TUT4: variants seen among roughly 807,000 people sequenced by gnomAD.
The protein encoded by TUT4 is terminal uridylyltransferase 4.
Under a neutral mutation model 192.2 loss-of-function variants are expected in TUT4, and 36 were observed. That is an observed-to-expected ratio of 0.19 (90% CI 0.14 to 0.25). The LOEUF (loss-of-function observed/expected upper bound fraction) is 0.25, where lower values mean the gene tolerates loss of function less well. Ranked by LOEUF, TUT4 falls within the 10% of genes least tolerant of loss-of-function variation. The pLI, the probability that TUT4 is intolerant of heterozygous loss-of-function variation, is 1.00. For synonymous variants in TUT4, 618 were observed against 666.0 expected (o/e 0.93, Z 1.11); for missense variants, 1,493 against 1,957.2 (o/e 0.76, Z 4.47).
chr1:52,487,965 G>C (rs1389926263), intron 9 of TUT4, among the ~76,000 whole-genome samples: 2 of 152,106 alleles, frequency 1.3e-5, no homozygotes, highest in African/African-American at 4.8e-5. Flanking sequence ...ATCAATGTGA[G>C]CATAAACCTG....
chr1:52,552,404 CCA>C (rs745526694), intron 1 of TUT4, among the ~76,000 whole-genome samples: 1 of 152,178 alleles, frequency 6.6e-6, no homozygotes, highest in Non-Finnish European at 1.5e-5. Flanking sequence ...GAAACAAAAT[CCA>C]CACAGACACC....
intron 8 of TUT4, among the ~76,000 whole-genome samples, chr1:52,489,395 C>T (rs1008004678): frequency 1.3e-5 from 2 of 152,124 alleles, no homozygotes; most frequent in Non-Finnish European, 2.9e-5. Flanking sequence ...TCAAATAGTG[C>T]AAGGTAATTT....
intron 16 of TUT4, chr1:52,462,966 T>A: frequency 1.0e-6 from 1 of 985,426 alleles, no homozygotes; most frequent in Middle Eastern, 5.2e-4. Context: ...GCAGGAGCCA[T>A]TGCAGCTAAA....
chr1:52,446,064 T>A, intron 22 of TUT4, 60 bp from the exon 23 acceptor site: 1 of 1,505,924 alleles, frequency 6.6e-7, no homozygotes, highest in Non-Finnish European at 9.0e-7. Context: ...AAAATATACT[T>A]AGAAGTCACC....
intron 7 of TUT4, among the ~76,000 whole-genome samples, chr1:52,492,109 C>T (rs1671308491): frequency 1.3e-5 from 2 of 152,068 alleles, no homozygotes; most frequent in Non-Finnish European, 2.9e-5. Context: ...GAGGTAAATG[C>T]TATGTCTACC....
intron 2 of TUT4, among the ~76,000 whole-genome samples, chr1:52,524,656 G>A (rs1409697152): frequency 1.3e-5 from 2 of 151,930 alleles, no homozygotes; most frequent in African/African-American, 2.4e-5. Flanking sequence ...AAATAAAAAA[G>A]TTAGCCAGGT....
intron 16 of TUT4, chr1:52,462,743 A>G (rs751483525): frequency 4.1e-6 from 4 of 984,888 alleles, no homozygotes; most frequent in Non-Finnish European, 4.8e-6. Flanking sequence ...ACCAGCACCT[A>G]TTTCTCCAAG....
intron 1 of TUT4, among the ~76,000 whole-genome samples, chr1:52,538,329 A>G (rs1314504154): frequency 6.6e-6 from 1 of 152,200 alleles, no homozygotes; most frequent in Non-Finnish European, 1.5e-5. Context: ...TGGGCATGTA[A>G]CATGAAAGAC....
intron 1 of TUT4, 81 bp downstream of exon 1, chr1:52,552,850 G>T (rs1051072080): frequency 6.6e-6 from 1 of 152,342 alleles, no homozygotes; most frequent in Admixed American, 6.5e-5. Flanking sequence ...GGCACCTGGG[G>T]AGGGCGAACC....
chr1:52,513,259 G>A (rs1677748874), intron 3 of TUT4, among the ~76,000 whole-genome samples: 1 of 151,474 alleles, frequency 6.6e-6, no homozygotes, highest in African/African-American at 2.4e-5. Context: ...AAAACTAGCA[G>A]GCTTGGTGGC....
At chr1:52,507,820 C>CT (rs1002087821) in intron 4 of TUT4, among the ~76,000 whole-genome samples, 10 of 151,756 alleles carry the variant, frequency 6.6e-5, no homozygotes, top group East Asian at 1.9e-4. Flanking sequence ...TTTCCTTTTT[C>CT]TTTTTTTTGT....
At chr1:52,437,716 AG>A (rs879779336) in intron 25 of TUT4, 2 of 152,748 alleles carry the variant, frequency 1.3e-5, no homozygotes, top group Non-Finnish European at 2.9e-5. Flanking sequence ...GCACTTTGGG[AG>A]GCCAAGGCAG....
chr1:52,540,402 C>A (rs1686243448), intron 1 of TUT4, among the ~76,000 whole-genome samples: 1 of 151,406 alleles, frequency 6.6e-6, no homozygotes, highest in East Asian at 1.9e-4. Flanking sequence ...TGTAGTCCGA[C>A]TTCTCAGGAG....
intron 16 of TUT4, chr1:52,463,579 C>G (rs1327869924): frequency 7.9e-7 from 1 of 1,257,924 alleles, no homozygotes; most frequent in Non-Finnish European, 1.0e-6. Flanking sequence ...ATGCCAGAAG[C>G]TGGGCCTCAC....
At chr1:52,496,950 A>AG in intron 5 of TUT4, 56 bp downstream of exon 5, 1 of 1,521,786 alleles carries the variant, frequency 6.6e-7, no homozygotes, top group Admixed American at 1.9e-5. Context: ...CTAGTTCAAG[A>AG]GGAGCAAGGG....
In TUT4 at chr1:52,542,438, G is replaced by C. The variant is rs375865939; in HGVS notation, c.-94+10493C>G. 3.3e-5 allele frequency among the ~76,000 whole-genome samples: 5 copies of C among 152,264 alleles called. No individual in the cohort carries two copies. The East Asian group carries it at 9.6e-4, about 29-fold the overall frequency. On this transcript the variant is annotated intron_variant, in intron 1 of 29. Transcript: ENST00000257177. ...GCACAGTTAAAGAATTGTACACCAC[G>C]ATCAAATGGGATTTATTCCTGGAAT...
chr1:52,438,681 T>TCA (rs761272500), intron 24 of TUT4, among the ~76,000 whole-genome samples: 18 of 152,302 alleles, frequency 1.2e-4, no homozygotes, highest in Non-Finnish European at 2.1e-4. Flanking sequence ...AGGTTAAGTC[T>TCA]CACATAAAAG....
intron 19 of TUT4, among the ~76,000 whole-genome samples, chr1:52,459,231 A>G (rs1661817946): frequency 6.6e-6 from 1 of 151,802 alleles, no homozygotes; most frequent in Admixed American, 6.6e-5. Context: ...GCTTGCAGTG[A>G]GCCGAGATAG....
At chr1:52,460,615 A>C (rs992734952) in intron 19 of TUT4, among the ~76,000 whole-genome samples, 2 of 152,146 alleles carry the variant, frequency 1.3e-5, no homozygotes, top group Non-Finnish European at 2.9e-5. Context: ...TAATCATTCC[A>C]CTGAGCAGCT....
Sources: allele counts gnomAD v4.1 joint callset (sites outside exome capture counted in the v4.1 genomes callset), GRCh38; gene constraint gnomAD v4.1.1; transcripts MANE v1.5; gene names NCBI Gene and HGNC (gene_info 2026-07-23, HGNC 2026-07-21).